CSMD1: variants seen among roughly 807,000 people sequenced by gnomAD.
CSMD1 encodes CUB and Sushi multiple domains 1.
In CSMD1, 213 loss-of-function variants were observed where a neutral mutation model predicts 417.5. The ratio of observed to expected loss-of-function variants is 0.51; its 90% CI spans 0.46 to 0.57. The LOEUF is 0.57. CSMD1 is among the 20% of genes least tolerant of loss of function. CSMD1 has a pLI of 0.00. For synonymous variants in CSMD1, 2,862 were observed against 1,736.8 expected (o/e 1.65, Z -16.11); for missense variants, 6,923 against 4,529.7 (o/e 1.53, Z -15.17).
intron 2 of CSMD1, among the ~76,000 whole-genome samples, chr8:4,460,266 GAAATTTAAAAATAATATGAACGA>G (rs1799733272): frequency 6.6e-6 from 1 of 151,884 alleles, no homozygotes; most frequent in African/African-American, 2.4e-5. Flanking sequence ...AATCACTAGG[GAAATTTAAAAATAATATGAACGA>G]AAATGGAGAT....
intron 25 of CSMD1, among the ~76,000 whole-genome samples, chr8:3,307,214 GA>G (rs1804940153): frequency 6.6e-6 from 1 of 152,048 alleles, no homozygotes; most frequent in Non-Finnish European, 1.5e-5. Flanking sequence ...GCACAAGTTG[GA>G]AATTTGTTCA....
intron 1 of CSMD1, among the ~76,000 whole-genome samples, chr8:4,853,946 A>G (rs1801636326): frequency 6.6e-6 from 1 of 152,108 alleles, no homozygotes; most frequent in African/African-American, 2.4e-5. Context: ...GGGGCTTATT[A>G]CCCCTTTCTT....
intron 50 of CSMD1, among the ~76,000 whole-genome samples, chr8:3,040,782 G>A (rs1481996114): frequency 1.3e-5 from 2 of 151,932 alleles, no homozygotes; most frequent in African/African-American, 2.4e-5. Flanking sequence ...CAGCCTGGGT[G>A]GCAGAGTGAG....
intron 9 of CSMD1, among the ~76,000 whole-genome samples, chr8:3,582,090 G>T (rs547538347): frequency 6.6e-6 from 1 of 152,098 alleles, no homozygotes; most frequent in East Asian, 1.9e-4. Flanking sequence ...CCACCGCGCT[G>T]GCCAATGCTG....
intron 1 of CSMD1, among the ~76,000 whole-genome samples, chr8:4,899,258 A>T (rs1585288504): frequency 6.6e-6 from 1 of 152,326 alleles, no homozygotes; most frequent in Admixed American, 6.5e-5. Flanking sequence ...ATTGTAAGGT[A>T]TTGCCATCCA....
chr8:4,185,285 T>C (rs1024850718), intron 3 of CSMD1, among the ~76,000 whole-genome samples: 3 of 152,054 alleles, frequency 2.0e-5, no homozygotes, highest in East Asian at 3.9e-4. Context: ...CTTGGGCAAA[T>C]TGTTTAATCT....
At chr8:4,928,795 G>A (rs1807046836) in intron 1 of CSMD1, among the ~76,000 whole-genome samples, 3 of 152,026 alleles carry the variant, frequency 2.0e-5, no homozygotes, top group Non-Finnish European at 4.4e-5. Flanking sequence ...GAGGCCCTTA[G>A]GTGCTGGCTC....
intron 22 of CSMD1, among the ~76,000 whole-genome samples, chr8:3,346,938 C>G (rs1162487446): frequency 6.6e-6 from 1 of 152,218 alleles, no homozygotes; most frequent in Non-Finnish European, 1.5e-5. Context: ...CTAAATTGCT[C>G]ACCTCGCTGA....
At chr8:3,586,343 G>C (rs1466126576) in intron 8 of CSMD1, 83 bp from the exon 9 acceptor site, 2 of 1,323,298 alleles carry the variant, frequency 1.5e-6, no homozygotes, top group Non-Finnish European at 1.0e-6. Context: ...CAGCAAAATG[G>C]CTGCTACGAT....
chr8:4,728,982 G>A (rs949466702), intron 1 of CSMD1, among the ~76,000 whole-genome samples: 18 of 152,148 alleles, frequency 1.2e-4, no homozygotes, highest in Non-Finnish European at 4.4e-5. Context: ...CATTTTAGAG[G>A]AGGGAGACTG....
At chr8:4,126,295 T>A (rs1802760310) in intron 3 of CSMD1, among the ~76,000 whole-genome samples, 1 of 152,156 alleles carries the variant, frequency 6.6e-6, no homozygotes, top group African/African-American at 2.4e-5. Context: ...CATAGCAATG[T>A]CCCTGTTGAT....
chr8:3,040,690 C>A (rs1193554231), intron 50 of CSMD1, among the ~76,000 whole-genome samples: 1 of 151,904 alleles, frequency 6.6e-6, no homozygotes, highest in Non-Finnish European at 1.5e-5. Context: ...GTAATCCCAG[C>A]CACTCGGGAG....
At chr8:4,222,099 A>C (rs1801065653) in intron 3 of CSMD1, among the ~76,000 whole-genome samples, 2 of 103,156 alleles carry the variant, frequency 1.9e-5, no homozygotes, top group Non-Finnish European at 4.8e-5. Flanking sequence ...AGAAAGATCA[A>C]ACCAACAAAA....
At chr8:4,037,287 G>C (rs372372702) in intron 3 of CSMD1, among the ~76,000 whole-genome samples, 1 of 152,034 alleles carries the variant, frequency 6.6e-6, no homozygotes. Context: ...GGGAAAATTG[G>C]TCTTGTCTTA....
intron 4 of CSMD1, among the ~76,000 whole-genome samples, chr8:4,005,166 A>G (rs1285470260): frequency 1.3e-5 from 2 of 152,120 alleles, no homozygotes; most frequent in East Asian, 3.9e-4. Flanking sequence ...AAGGGGATAA[A>G]AGACAACATA....
intron 2 of CSMD1, among the ~76,000 whole-genome samples, chr8:4,517,590 T>C (rs965204640): frequency 2.6e-5 from 4 of 152,214 alleles, no homozygotes; most frequent in African/African-American, 9.7e-5. Context: ...TAATACCAAA[T>C]ATGTATAATG....
At chr8:3,292,678 G>A (rs1164397384) in intron 25 of CSMD1, among the ~76,000 whole-genome samples, 2 of 152,154 alleles carry the variant, frequency 1.3e-5, no homozygotes, top group South Asian at 4.2e-4. Flanking sequence ...CCATTTGCTT[G>A]GTAGATCTTC....
At position 4,814,219 on chromosome 8, in the gene CSMD1, C is replaced by T. The variant is rs568458381; in HGVS notation, c.86-176661G>A. On this transcript the variant is annotated intron_variant, in intron 1 of 69. Transcript: ENST00000635120. ...TTTTGTGTGTGTGTGTGTGTGTGTG[C>T]GTGTGCGTGTGCGCATGTGCGCGTG... is the stretch of plus-strand genomic sequence containing the variant. 7.1e-3 allele frequency among the ~76,000 whole-genome samples: 982 copies of T among 137,748 alleles called. 6 individuals are homozygous for T. The highest frequency in any genetic ancestry group is 0.026 in the African/African-American group (937 of 36,520). 90.4% of individuals were successfully genotyped at this position (137,748 alleles called of 152,430 possible).
At chr8:4,404,283 A>T (rs74924389) in intron 3 of CSMD1, among the ~76,000 whole-genome samples, 3,286 of 152,114 alleles carry the variant, frequency 0.022, 107 homozygotes, top group African/African-American at 0.075. Context: ...TCACCTTATG[A>T]TATGCTGTAT....
Sources: allele counts gnomAD v4.1 joint callset (sites outside exome capture counted in the v4.1 genomes callset), GRCh38; gene constraint gnomAD v4.1.1; transcripts MANE v1.5; gene names NCBI Gene and HGNC (gene_info 2026-07-23, HGNC 2026-07-21).